Variants in SCARA5 observed in about 807,000 individuals in gnomAD.
SCARA5 encodes scavenger receptor class A member 5, also known as scavenger receptor class A, member 5 (putative).
Under a neutral mutation model 46.3 loss-of-function variants are expected in SCARA5, and 45 were observed. That is an observed-to-expected ratio of 0.97 (90% CI 0.76 to 1.24). The LOEUF is 1.24. SCARA5 is among the 50% of genes most tolerant of loss of function. The pLI is 0.00. For missense variants in SCARA5, 680 were observed against 689.0 expected (o/e 0.99, Z 0.15); for synonymous variants, 333 against 306.5 (o/e 1.09, Z -0.90).
intron 2 of SCARA5, among the ~76,000 whole-genome samples, chr8:27,982,085 C>G (rs890699112): frequency 2.0e-5 from 3 of 152,156 alleles, no homozygotes; most frequent in African/African-American, 7.2e-5. Flanking sequence ...GCGAGCGGCC[C>G]GGCTGCAGGC....
chr8:27,953,769 G>C (rs934309517), intron 3 of SCARA5, among the ~76,000 whole-genome samples: 6 of 152,222 alleles, frequency 3.9e-5, no homozygotes, highest in South Asian at 4.1e-4. Flanking sequence ...GGGCCCATTG[G>C]GGGAGTCACC....
At chr8:27,904,958 CTG>C in intron 6 of SCARA5, 124 bp from the exon 7 acceptor site, 1 of 826,174 alleles carries the variant, frequency 1.2e-6, no homozygotes, top group Non-Finnish European at 2.0e-6. Context: ...CCAGCAGCAA[CTG>C]GAGAGCCCAG....
intron 7 of SCARA5, among the ~76,000 whole-genome samples, chr8:27,885,035 A>C: frequency 6.9e-6 from 1 of 144,838 alleles, no homozygotes; most frequent in Non-Finnish European, 1.5e-5. Flanking sequence ...CGGGTGGACA[A>C]GGAAGGAAAT....
At chr8:27,926,842 G>A (rs899254342) in intron 3 of SCARA5, among the ~76,000 whole-genome samples, 3 of 152,114 alleles carry the variant, frequency 2.0e-5, no homozygotes, top group African/African-American at 4.8e-5. Context: ...AGCTGGCCAC[G>A]TATTGAGACA....
At chr8:27,899,545 C>T (rs556843732) in intron 7 of SCARA5, among the ~76,000 whole-genome samples, 3 of 152,324 alleles carry the variant, frequency 2.0e-5, no homozygotes, top group African/African-American at 7.2e-5. Flanking sequence ...CTGTCTACCA[C>T]GCACGAGGCA....
intron 8 of SCARA5, among the ~76,000 whole-genome samples, chr8:27,877,310 C>CA (rs1191981428): frequency 6.6e-6 from 1 of 151,846 alleles, no homozygotes; most frequent in Non-Finnish European, 1.5e-5. Context: ...AATAATGGGG[C>CA]AAAAAAATAG....
At chr8:27,892,184 T>C (rs1254249234) in intron 7 of SCARA5, among the ~76,000 whole-genome samples, 4 of 152,234 alleles carry the variant, frequency 2.6e-5, no homozygotes, top group Non-Finnish European at 5.9e-5. Flanking sequence ...ATAAGCCATG[T>C]TGGAGAAGAG....
chr8:27,965,251 CG>C (rs1225476457), intron 3 of SCARA5, among the ~76,000 whole-genome samples: 1 of 152,178 alleles, frequency 6.6e-6, no homozygotes, highest in Non-Finnish European at 1.5e-5. Flanking sequence ...GAATCAAGAC[CG>C]GGGAGGTCCT....
At chr8:27,985,168 A>T (rs1427681478) in intron 2 of SCARA5, among the ~76,000 whole-genome samples, 1 of 152,220 alleles carries the variant, frequency 6.6e-6, no homozygotes, top group East Asian at 1.9e-4. Context: ...CTACAGTGTC[A>T]TGAGGAAGTC....
In SCARA5 at chr8:27,974,034, T is replaced by C. The variant is rs556299951; in HGVS notation, c.113-7492A>G. 9.2e-4 allele frequency among the ~76,000 whole-genome samples: 140 copies of C among 152,244 alleles called. 1 individual carries two copies. Among genetic ancestry groups the C allele is most frequent in the Admixed American group, 3.1e-3 (48 of 15,294 alleles). ...GGACATTAAAGAACAGGAAAGTTTATATAAAAACAACACAACCCTGGCACC... is the reference window on the plus strand; with the variant it reads ...GGACATTAAAGAACAGGAAAGTTTACATAAAAACAACACAACCCTGGCACC... On this transcript the variant is annotated intron_variant, in intron 2 of 8. Transcript: ENST00000354914.
chr8:27,925,531 C>T (rs1431443723), intron 3 of SCARA5, among the ~76,000 whole-genome samples: 2 of 152,156 alleles, frequency 1.3e-5, no homozygotes, highest in Non-Finnish European at 2.9e-5. Flanking sequence ...ACCATAAAAA[C>T]CCTAGAAGAA....
chr8:27,953,092 G>T (rs889035883), intron 3 of SCARA5, among the ~76,000 whole-genome samples: 1 of 152,252 alleles, frequency 6.6e-6, no homozygotes, highest in Non-Finnish European at 1.5e-5. Context: ...CAGACGGAAA[G>T]CAGATGGCCC....
intron 2 of SCARA5, among the ~76,000 whole-genome samples, chr8:27,978,462 C>G (rs1808561366): frequency 6.6e-6 from 1 of 152,018 alleles, no homozygotes; most frequent in South Asian, 2.1e-4. Flanking sequence ...AATCTAAATC[C>G]CATGTTCAAG....
At position 27,922,058 on chromosome 8, in the gene SCARA5, C is replaced by A; in HGVS notation, c.429G>T (p.Ala143=). 6.3e-7 allele frequency: 1 copy of A among 1,588,064 alleles called. No individual in the cohort carries two copies. Among genetic ancestry groups the A allele is most frequent in the East Asian group, 2.3e-5 (1 of 43,514 alleles). ...QNQSDSLLAL[A]GAVQRLEGAL... is the part of the protein sequence containing the mutation. ...CGCCCTCCAGCCGCTGCACTGCGCCCGCCAGCGCCAGCAACGAGTCTGACT... is the reference window on the plus strand; with the variant it reads ...CGCCCTCCAGCCGCTGCACTGCGCCAGCCAGCGCCAGCAACGAGTCTGACT... Residue 143 remains alanine, a synonymous_variant, in exon 4 of 9, where the codon GCG becomes GCT. Coordinates refer to ENST00000354914, the MANE Select transcript of SCARA5 (RefSeq NM_173833.6).
chr8:27,947,046 C>T (rs1265088817), intron 3 of SCARA5, among the ~76,000 whole-genome samples: 14 of 148,878 alleles, frequency 9.4e-5, no homozygotes, highest in Non-Finnish European at 1.5e-4. Context: ...GAGTCTCGCT[C>T]TGTCACCCAG....
At chr8:27,898,696 G>A (rs565399050) in intron 7 of SCARA5, among the ~76,000 whole-genome samples, 1 of 152,264 alleles carries the variant, frequency 6.6e-6, no homozygotes, top group Admixed American at 6.5e-5. Context: ...AGTTTGGGTG[G>A]GATCGAAGGA....
At chr8:27,972,933 C>T (rs1808468647) in intron 2 of SCARA5, among the ~76,000 whole-genome samples, 2 of 152,146 alleles carry the variant, frequency 1.3e-5, no homozygotes, top group African/African-American at 4.8e-5. Flanking sequence ...ATGTCAGAAC[C>T]TTGCATGCAT....
At chr8:27,987,697 T>A in intron 1 of SCARA5, 67 bp from the exon 2 acceptor site, 2 of 951,530 alleles carry the variant, frequency 2.1e-6, no homozygotes, top group Non-Finnish European at 3.4e-6. Context: ...GAATCAACTG[T>A]AGGTGGAAAC....
At chr8:27,887,713 G>T (rs1425976381) in intron 7 of SCARA5, among the ~76,000 whole-genome samples, 1 of 152,118 alleles carries the variant, frequency 6.6e-6, no homozygotes, top group Non-Finnish European at 1.5e-5. Context: ...CCCCAGAACT[G>T]GGGACCACAA....
Sources: allele counts gnomAD v4.1 joint callset (sites outside exome capture counted in the v4.1 genomes callset), GRCh38; gene constraint gnomAD v4.1.1; transcripts MANE v1.5; gene names NCBI Gene and HGNC (gene_info 2026-07-23, HGNC 2026-07-21).